Variants in CYRIB observed in about 807,000 individuals in gnomAD.
The protein encoded by CYRIB is CYFIP-related Rac1 interactor B.
Under a neutral mutation model 44.2 loss-of-function variants are expected in CYRIB, and 8 were observed. The observed-to-expected ratio is 0.18, with a 90% CI of 0.11 to 0.33. The LOEUF is 0.33. CYRIB is among the 10% of genes least tolerant of loss of function. CYRIB has a pLI of 1.00. For missense variants in CYRIB, 185 were observed against 382.8 expected (o/e 0.48, Z 4.31); for synonymous variants, 131 against 127.2 (o/e 1.03, Z -0.20).
Position 129,894,927 on chromosome 8 carries a change from A to AT in CYRIB, c.-11+8384dup, listed in dbSNP as rs1167267037. On this transcript the variant is annotated intron_variant, in intron 2 of 11. Transcript: ENST00000519824. ...GAGTGTTAGAAATATATATATATAT[A>AT]TATTTTTTTAATTAATTTATTTTTT... Among the ~76,000 whole-genome samples, 171 of 147,744 alleles carry AT rather than the reference A, an allele frequency of 1.2e-3. 1 individual carries two copies. Among genetic ancestry groups the AT allele is most frequent in the South Asian group, 4.5e-3 (21 of 4,716 alleles).
intron 2 of CYRIB, among the ~76,000 whole-genome samples, chr8:129,949,707 TAA>T (rs59626155): frequency 7.1e-6 from 1 of 140,736 alleles, no homozygotes; most frequent in Admixed American, 7.1e-5. Context: ...CTGTCTCTAC[TAA>T]AAAAAAAAAA....
In CYRIB at chr8:129,983,636, G is replaced by A. The variant is rs184540509; in HGVS notation, c.-295-12641C>T. Among the ~76,000 whole-genome samples the A allele has an allele frequency of 3.0e-3, 451 of 152,340 alleles. 4 individuals carry two copies. Among genetic ancestry groups the A allele is most frequent in the African/African-American group, 0.01 (436 of 41,580 alleles). ...CACCGGCAGGAAGGGATCCAGGGCA[G>A]GGAGGGATCCAGGCCAGTCCCAGAG... is the stretch of plus-strand genomic sequence containing the variant. On this transcript the variant is annotated intron_variant, in intron 1 of 14. Coordinates refer to the CYRIB transcript ENST00000401979.
chr8:129,863,025 A>G (rs916395706), intron 4 of CYRIB, among the ~76,000 whole-genome samples: 2 of 152,210 alleles, frequency 1.3e-5, no homozygotes, highest in Non-Finnish European at 2.9e-5. Context: ...AAAATATTGC[A>G]TATGTTTCCC....
intron 2 of CYRIB, among the ~76,000 whole-genome samples, chr8:129,952,354 C>T (rs2094547464): frequency 6.6e-6 from 1 of 152,094 alleles, no homozygotes. Context: ...AGCCACCACA[C>T]CCGGCCAAAA....
At position 129,848,143 on chromosome 8, in the gene CYRIB, T is replaced by C. The variant is rs118135656; in HGVS notation, c.840+1100A>G. Among the ~76,000 whole-genome samples the C allele has an allele frequency of 3.8e-3, 574 of 152,256 alleles. 2 individuals carry two copies. Among genetic ancestry groups the C allele is most frequent in the South Asian group, 0.019 (90 of 4,818 alleles). On this transcript the variant is annotated intron_variant, in intron 10 of 11. Coordinates refer to ENST00000519824, the Ensembl canonical transcript of CYRIB. ...TATTACTTGATCTGCTAAACTTTAG[T>C]TGCCCTGTCAGTAAAGGGAGATGAC...
exon 12 of CYRIB, chr8:129,840,487 C>T (rs891883204): frequency 3.3e-5 from 5 of 152,424 alleles, no homozygotes; most frequent in African/African-American, 1.2e-4. Context: ...AATAATGTCA[C>T]ACGTGGAGAT....
chr8:129,848,560 A>T (rs930481352), intron 10 of CYRIB, among the ~76,000 whole-genome samples: 1 of 152,114 alleles, frequency 6.6e-6, no homozygotes, highest in Non-Finnish European at 1.5e-5. Flanking sequence ...TTTCCACTGG[A>T]GCATCCTACT....
intron 8 of CYRIB, 36 bp from the exon 11 acceptor site, chr8:129,850,950 T>C (rs757774671): frequency 7.6e-7 from 1 of 1,310,728 alleles, no homozygotes; most frequent in Admixed American, 1.8e-5. Context: ...AAAGTAAAAG[T>C]AACAAACGTT....
At chr8:129,889,866 C>T (rs568700194) in intron 2 of CYRIB, among the ~76,000 whole-genome samples, 1 of 151,444 alleles carries the variant, frequency 6.6e-6, no homozygotes, top group Non-Finnish European at 1.5e-5. Flanking sequence ...CCTCAGCTCT[C>T]GGGTTCAAGC....
At chr8:129,955,083 G>A (rs1018766405) in intron 2 of CYRIB, among the ~76,000 whole-genome samples, 9 of 151,842 alleles carry the variant, frequency 5.9e-5, no homozygotes, top group Non-Finnish European at 1.2e-4. Flanking sequence ...GTGAAGTCCC[G>A]TCTCTACTAA....
intron 3 of CYRIB, 116 bp from the exon 6 acceptor site, chr8:129,871,612 G>T: frequency 9.7e-7 from 1 of 1,035,992 alleles, no homozygotes; most frequent in Non-Finnish European, 1.4e-6. Context: ...TCTAGTTAAT[G>T]TTAACTTTGA....
rs1461834351 is a variant in CYRIB, at chr8:129,932,496, C to T, written c.-50+7112G>A. 2.0e-5 allele frequency among the ~76,000 whole-genome samples: 3 copies of T among 152,146 alleles called. 1 individual carries two copies. Among genetic ancestry groups the T allele is most frequent in the Admixed American group, 2.0e-4 (3 of 15,278 alleles). On this transcript the variant is annotated intron_variant, in intron 1 of 11. Coordinates refer to ENST00000519824, the Ensembl canonical transcript of CYRIB. ...CCAGTAAGAAAGCCCACTGGGTGTA[C>T]AAGTACTACCTGGTCCTCTTCACAT...
intron 1 of CYRIB, among the ~76,000 whole-genome samples, chr8:129,907,114 G>A (rs537886124): frequency 6.6e-6 from 1 of 152,302 alleles, no homozygotes; most frequent in South Asian, 2.1e-4. Flanking sequence ...ATACCCAAAG[G>A]ATTACAAATC....
chr8:129,923,827 A>G (rs1416745431), intron 1 of CYRIB, among the ~76,000 whole-genome samples: 1 of 150,854 alleles, frequency 6.6e-6, no homozygotes. Flanking sequence ...AATAGGGAAT[A>G]TTTGCTTTAA....
chr8:129,924,273 C>CA (rs34140791), intron 1 of CYRIB, among the ~76,000 whole-genome samples: 14,379 of 45,214 alleles, frequency 0.32, 3,337 homozygotes, highest in East Asian at 0.44. Context: ...GACCTGCCTC[C>CA]AAAAAAAAAA....
chr8:129,879,111 A>G (rs2060066497), intron 3 of CYRIB, among the ~76,000 whole-genome samples: 1 of 152,216 alleles, frequency 6.6e-6, no homozygotes, highest in South Asian at 2.1e-4. Context: ...TTTTTTCATA[A>G]AAATGTTTTC....
At chr8:129,952,473 A>G (rs1165013455) in intron 2 of CYRIB, among the ~76,000 whole-genome samples, 1 of 152,234 alleles carries the variant, frequency 6.6e-6, no homozygotes, top group African/African-American at 2.4e-5. Flanking sequence ...AATATAAAAT[A>G]TGTACCCCTA....
intron 2 of CYRIB, among the ~76,000 whole-genome samples, chr8:129,965,875 G>C (rs2095460304): frequency 6.6e-6 from 1 of 151,938 alleles, no homozygotes; most frequent in African/African-American, 2.4e-5. Flanking sequence ...TTTTGAGGCA[G>C]AGTCTTGCTC....
chr8:129,962,129 C>G (rs1032890151), intron 2 of CYRIB, among the ~76,000 whole-genome samples: 1 of 151,892 alleles, frequency 6.6e-6, no homozygotes, highest in Non-Finnish European at 1.5e-5. Flanking sequence ...TGCCTGTGGT[C>G]CCAGCTACTC....
Sources: allele counts gnomAD v4.1 joint callset (sites outside exome capture counted in the v4.1 genomes callset), GRCh38; gene constraint gnomAD v4.1.1; transcripts MANE v1.5; gene names NCBI Gene and HGNC (gene_info 2026-07-23, HGNC 2026-07-21).